B3GNT2: variants seen among roughly 807,000 people sequenced by gnomAD.
B3GNT2 encodes the protein UDP-GlcNAc:betaGal beta-1,3-N-acetylglucosaminyltransferase 2.
In B3GNT2, 12 loss-of-function variants were observed where a neutral mutation model predicts 27.6. The observed-to-expected ratio is 0.44, with a 90% CI of 0.28 to 0.71. B3GNT2 has a LOEUF of 0.71. B3GNT2 is among the 30% of genes least tolerant of loss of function. B3GNT2 has a pLI of 0.17. For synonymous variants in B3GNT2, 192 were observed against 189.7 expected (o/e 1.01, Z -0.10); for missense variants, 413 against 488.5 (o/e 0.85, Z 1.46).
chr2:62,221,512 T>C (rs1423947813), intron 1 of B3GNT2, among the ~76,000 whole-genome samples: 1 of 151,986 alleles, frequency 6.6e-6, no homozygotes, highest in East Asian at 1.9e-4. Flanking sequence ...GGGACTAACA[T>C]TAAAAAAAAG....
rs556786345 is a variant in B3GNT2 at position 62,221,577 on chromosome 2, T to C, written c.-9-635T>C. Among the ~76,000 whole-genome samples the C allele has an allele frequency of 5.5e-4, 83 of 152,198 alleles. 1 individual carries two copies. Among genetic ancestry groups the C allele is most frequent in the African/African-American group, 1.9e-3 (77 of 41,518 alleles). On this transcript the variant is annotated intron_variant, in intron 1 of 1. Coordinates refer to ENST00000301998, the MANE Select transcript of B3GNT2 (RefSeq NM_006577.6). ...ATCCCAGCACTTTGGGAGGCTGAGGTGGGAGGATCACCTTAGGTTGGGAGT... is the reference window on the plus strand; with the variant it reads ...ATCCCAGCACTTTGGGAGGCTGAGGCGGGAGGATCACCTTAGGTTGGGAGT...
intron 1 of B3GNT2, among the ~76,000 whole-genome samples, chr2:62,201,779 T>C (rs1674270292): frequency 6.6e-6 from 1 of 152,262 alleles, no homozygotes; most frequent in South Asian, 2.1e-4. Flanking sequence ...TGGGTCCTTC[T>C]AAGTGCTCAT....
At chr2:62,219,396 T>G (rs1302484590) in intron 1 of B3GNT2, among the ~76,000 whole-genome samples, 2 of 152,210 alleles carry the variant, frequency 1.3e-5, no homozygotes, top group African/African-American at 4.8e-5. Context: ...CACTGCAACC[T>G]CAGCCTCCCA....
chr2:62,205,917 T>G (rs560040977), intron 1 of B3GNT2: 2 of 154,210 alleles, frequency 1.3e-5, no homozygotes, highest in African/African-American at 4.8e-5. Flanking sequence ...GGCTTGGTAC[T>G]CCTTTTGGGG....
Position 62,218,005 on chromosome 2 carries a change from T to C in B3GNT2, c.-9-4207T>C, listed in dbSNP as rs117619104. ...TGTATATGGGGTTTTCTCTTATTTC[T>C]GTTACAACAGAAAGTCTGTGTTTCA... is the stretch of plus-strand genomic sequence containing the variant. On this transcript the variant is annotated intron_variant, in intron 1 of 1. Transcript: ENST00000301998. Among the ~76,000 whole-genome samples, 1,172 of 152,372 alleles carry C rather than the reference T, an allele frequency of 7.7e-3. 20 individuals are homozygous for C. Among genetic ancestry groups the C allele is most frequent in the South Asian group, 0.07 (337 of 4,830 alleles).
At chr2:62,216,797 G>C (rs1217209792) in intron 1 of B3GNT2, among the ~76,000 whole-genome samples, 2 of 152,220 alleles carry the variant, frequency 1.3e-5, no homozygotes, top group Admixed American at 1.3e-4. Flanking sequence ...ATTAAAAACA[G>C]CCTCTTAGCT....
intron 1 of B3GNT2, among the ~76,000 whole-genome samples, chr2:62,206,247 T>G (rs1268048541): frequency 6.6e-6 from 1 of 152,138 alleles, no homozygotes; most frequent in East Asian, 1.9e-4. Context: ...CATGCAGCTC[T>G]GGGCTGGGGG....
chr2:62,217,982 T>C (rs1395105136), intron 1 of B3GNT2, among the ~76,000 whole-genome samples: 1 of 152,242 alleles, frequency 6.6e-6, no homozygotes, highest in African/African-American at 2.4e-5. Context: ...TTTGTGTTTG[T>C]ATATGGGGTT....
Position 62,223,436 on chromosome 2 carries a change from G to C in B3GNT2, c.*22G>C. The C allele has an allele frequency of 5.2e-6, 8 of 1,540,010 alleles. No individual in the cohort carries two copies. Among genetic ancestry groups the C allele is most frequent in the Non-Finnish European group, 7.1e-6 (8 of 1,126,382 alleles). Reference sequence around the variant, plus strand: ...CTAAAATAGATACAAACTCAATTTTGCATAGAAAGGTGTATTTTGAATAGT... The same window carrying C: ...CTAAAATAGATACAAACTCAATTTTCCATAGAAAGGTGTATTTTGAATAGT... On this transcript the variant is annotated 3_prime_UTR_variant, in exon 2 of 2. Transcript: ENST00000301998.
At chr2:62,197,448 T>G (rs1056503312) in intron 1 of B3GNT2, among the ~76,000 whole-genome samples, 1 of 152,210 alleles carries the variant, frequency 6.6e-6, no homozygotes, top group African/African-American at 2.4e-5. Context: ...GCGGCGCTCT[T>G]CTGCCCAAAA....
intron 1 of B3GNT2, among the ~76,000 whole-genome samples, chr2:62,202,897 C>A (rs1674296396): frequency 6.6e-6 from 1 of 152,164 alleles, no homozygotes; most frequent in Non-Finnish European, 1.5e-5. Flanking sequence ...ACTCCAGGCA[C>A]AAGGCCCCCA....
At chr2:62,212,199 C>T (rs1674492762) in intron 1 of B3GNT2, among the ~76,000 whole-genome samples, 1 of 152,184 alleles carries the variant, frequency 6.6e-6, no homozygotes, top group African/African-American at 2.4e-5. Context: ...TTCCTGATTT[C>T]ATATGTGTGC....
At chr2:62,217,689 G>A (rs76730852) in intron 1 of B3GNT2, among the ~76,000 whole-genome samples, 3,889 of 152,284 alleles carry the variant, frequency 0.026, 119 homozygotes, top group African/African-American at 0.075. Flanking sequence ...AGCGTGCGGC[G>A]GAAGAGGCTG....
intron 1 of B3GNT2, among the ~76,000 whole-genome samples, chr2:62,205,311 CTA>C (rs974267847): frequency 2.0e-5 from 3 of 152,336 alleles, no homozygotes; most frequent in African/African-American, 7.2e-5. Flanking sequence ...CCGGAGAAAG[CTA>C]TGTTACTATT....
At chr2:62,215,652 G>T (rs986924471) in intron 1 of B3GNT2, 1 of 152,306 alleles carries the variant, frequency 6.6e-6, no homozygotes, top group East Asian at 1.9e-4. Context: ...CCAGACTCCC[G>T]GAGGTGGTGG....
chr2:62,199,282 TC>T (rs768285621), intron 1 of B3GNT2, among the ~76,000 whole-genome samples: 1 of 152,258 alleles, frequency 6.6e-6, no homozygotes. Flanking sequence ...TTCATGAAAA[TC>T]CTAATTTAGG....
intron 1 of B3GNT2, among the ~76,000 whole-genome samples, chr2:62,202,978 G>A (rs1562746): frequency 0.82 from 125,077 of 152,046 alleles, 51,764 homozygotes; most frequent in East Asian, 0.91. Context: ...TTCTCTGAGA[G>A]GAGGTTTTCT....
chr2:62,214,476 G>C (rs766866036), intron 1 of B3GNT2, among the ~76,000 whole-genome samples: 5 of 152,194 alleles, frequency 3.3e-5, no homozygotes, highest in African/African-American at 4.8e-5. Context: ...ATTGCACACA[G>C]AGGCCCGAGG....
At position 62,206,794 on chromosome 2, in the gene B3GNT2, C is replaced by T. The variant is rs188428537; in HGVS notation, c.-10+10439C>T. 3.3e-5 allele frequency among the ~76,000 whole-genome samples: 5 copies of T among 152,306 alleles called. No individual in the cohort carries two copies. In the East Asian group the frequency reaches 9.7e-4, roughly 29 times the overall value. ...AGCGAGTCAGGCAGTTCTCTCCAAG[C>T]TGCTACCCTACAAGACTCCAAATGG... On this transcript the variant is annotated intron_variant, in intron 1 of 1. Coordinates refer to ENST00000301998, the MANE Select transcript of B3GNT2 (RefSeq NM_006577.6).
Sources: allele counts gnomAD v4.1 joint callset (sites outside exome capture counted in the v4.1 genomes callset), GRCh38; gene constraint gnomAD v4.1.1; transcripts MANE v1.5; gene names NCBI Gene and HGNC (gene_info 2026-07-23, HGNC 2026-07-21).